TCERG1L: variants seen among roughly 807,000 people sequenced by gnomAD.
TCERG1L encodes transcription elongation regulator 1 like.
TCERG1L carries 37 observed loss-of-function variants against 56.3 expected under a neutral mutation model. That is an observed-to-expected ratio of 0.66 (90% CI 0.51 to 0.87). The LOEUF is 0.87. Among genes scored for constraint, TCERG1L ranks in the 40% least tolerant of loss-of-function variants. TCERG1L has a pLI of 0.00. For synonymous variants in TCERG1L, 324 were observed against 326.3 expected (o/e 0.99, Z 0.08); for missense variants, 799 against 774.2 (o/e 1.03, Z -0.38).
At chr10:131,102,323 G>A (rs1253269217) in intron 10 of TCERG1L, among the ~76,000 whole-genome samples, 2 of 152,224 alleles carry the variant, frequency 1.3e-5, no homozygotes, top group South Asian at 2.1e-4. Flanking sequence ...GCTCCAGGGA[G>A]AGGGTCCAGT....
Position 131,149,547 on chromosome 10 carries a change from T to A in TCERG1L, c.1035-2887A>T, listed in dbSNP as rs150027571. 1.2e-3 allele frequency among the ~76,000 whole-genome samples: 179 copies of A among 152,344 alleles called. 2 individuals are homozygous for A. The East Asian group carries it at 0.022, about 19-fold the overall frequency. Reference sequence around the variant, plus strand: ...TACTATATGAACTCTGCAGACAGCATGGGCCAATAGGGAACATAAGCCCAG... The same window carrying A: ...TACTATATGAACTCTGCAGACAGCAAGGGCCAATAGGGAACATAAGCCCAG... On this transcript the variant is annotated intron_variant, in intron 6 of 11. Transcript: ENST00000368642.
intron 10 of TCERG1L, among the ~76,000 whole-genome samples, chr10:131,101,231 C>A (rs1337905171): frequency 6.6e-6 from 1 of 152,236 alleles, no homozygotes; most frequent in Admixed American, 6.5e-5. Flanking sequence ...GGGTGGGATG[C>A]CCATGTCCCC....
At chr10:131,205,822 G>A (rs1845517250) in intron 4 of TCERG1L, among the ~76,000 whole-genome samples, 1 of 152,220 alleles carries the variant, frequency 6.6e-6, no homozygotes, top group African/African-American at 2.4e-5. Context: ...TATGCAAAGG[G>A]TGCAGGAGAC....
At chr10:131,107,814 A>T (rs996339599) in intron 9 of TCERG1L, among the ~76,000 whole-genome samples, 1 of 152,184 alleles carries the variant, frequency 6.6e-6, no homozygotes, top group African/African-American at 2.4e-5. Context: ...GTGCACACAC[A>T]TGCAAACACA....
In TCERG1L at chr10:131,214,973, T is replaced by A. The variant is rs575314456; in HGVS notation, c.856+45286A>T. ...TTCACCATGGCCGTGTCGGGGGCCC[T>A]GTTTCTGCCCTCACTCACAGGCGGA... On this transcript the variant is annotated intron_variant, in intron 4 of 11. Coordinates refer to ENST00000368642, the MANE Select transcript of TCERG1L (RefSeq NM_174937.4). Among the ~76,000 whole-genome samples, 465 of 152,368 alleles carry A rather than the reference T, an allele frequency of 3.1e-3. 1 individual carries two copies. Among genetic ancestry groups the A allele is most frequent in the African/African-American group, 0.011 (452 of 41,592 alleles).
chr10:131,137,412 G>T (rs1191406988), intron 7 of TCERG1L, among the ~76,000 whole-genome samples: 1 of 152,214 alleles, frequency 6.6e-6, no homozygotes, highest in Non-Finnish European at 1.5e-5. Context: ...AGGCACCGGG[G>T]CCTCACAGAG....
At chr10:131,149,649 G>A (rs947255775) in intron 6 of TCERG1L, among the ~76,000 whole-genome samples, 3 of 152,196 alleles carry the variant, frequency 2.0e-5, no homozygotes, top group Admixed American at 1.3e-4. Context: ...GAGTGAGTGG[G>A]CCACAGGCAG....
intron 3 of TCERG1L, among the ~76,000 whole-genome samples, chr10:131,292,699 G>A (rs576696296): frequency 3.9e-5 from 6 of 152,156 alleles, no homozygotes; most frequent in East Asian, 1.9e-4. Flanking sequence ...ATCGTGGTTC[G>A]GGTTGAATTG....
At chr10:131,263,693 C>G (rs1400908570) in intron 3 of TCERG1L, among the ~76,000 whole-genome samples, 1 of 152,224 alleles carries the variant, frequency 6.6e-6, no homozygotes, top group African/African-American at 2.4e-5. Context: ...GTATTTATTG[C>G]TATGCAGTAG....
chr10:131,138,888 C>G (rs772330434), intron 7 of TCERG1L, among the ~76,000 whole-genome samples: 12 of 152,150 alleles, frequency 7.9e-5, no homozygotes, highest in Non-Finnish European at 1.5e-4. Flanking sequence ...ACAACTTGTT[C>G]TATGGCAAAA....
At chr10:131,136,312 G>A (rs1402819193) in intron 7 of TCERG1L, among the ~76,000 whole-genome samples, 4 of 152,170 alleles carry the variant, frequency 2.6e-5, no homozygotes, top group Non-Finnish European at 5.9e-5. Context: ...AGCTTCACTC[G>A]TGCCAAGCCC....
At chr10:131,150,415 AG>A (rs1381840071) in intron 6 of TCERG1L, among the ~76,000 whole-genome samples, 4 of 152,228 alleles carry the variant, frequency 2.6e-5, no homozygotes, top group Non-Finnish European at 5.9e-5. Context: ...CACAAGCAAC[AG>A]GGCCACGGGA....
intron 4 of TCERG1L, among the ~76,000 whole-genome samples, chr10:131,239,788 C>T (rs1011617445): frequency 1.3e-5 from 2 of 152,234 alleles, no homozygotes; most frequent in Non-Finnish European, 2.9e-5. Flanking sequence ...CTTTTCCCAG[C>T]GTACAGACAT....
At chr10:131,232,167 G>A (rs1289029453) in intron 4 of TCERG1L, among the ~76,000 whole-genome samples, 2 of 152,224 alleles carry the variant, frequency 1.3e-5, no homozygotes, top group Admixed American at 6.5e-5. Flanking sequence ...ATGCCATTAG[G>A]CCCATTCATT....
intron 11 of TCERG1L, among the ~76,000 whole-genome samples, chr10:131,093,900 G>A (rs753960455): frequency 6.6e-6 from 1 of 152,100 alleles, no homozygotes; most frequent in African/African-American, 2.4e-5. Flanking sequence ...TCCCACATTC[G>A]AATGAGGGAG....
At chr10:131,290,797 T>A (rs925907936) in intron 3 of TCERG1L, among the ~76,000 whole-genome samples, 3 of 136,920 alleles carry the variant, frequency 2.2e-5, no homozygotes, top group Non-Finnish European at 4.8e-5. Flanking sequence ...ATTGGAGGTT[T>A]TATTTTTCCT....
At chr10:131,251,159 T>G (rs10829958) in intron 4 of TCERG1L, among the ~76,000 whole-genome samples, 29,576 of 151,956 alleles carry the variant, frequency 0.19, 3,315 homozygotes, top group East Asian at 0.3. Context: ...ACAGCAGAGG[T>G]GTCAGATTCC....
At chr10:131,291,162 CTATT>C (rs1846616367) in intron 3 of TCERG1L, among the ~76,000 whole-genome samples, 1 of 152,026 alleles carries the variant, frequency 6.6e-6, no homozygotes, top group African/African-American at 2.4e-5. Flanking sequence ...CCATTTATGT[CTATT>C]TTTATTATAA....
In TCERG1L at chr10:131,156,490, C is replaced by T. The variant is rs367673625; in HGVS notation, c.1034+6632G>A. Among the ~76,000 whole-genome samples, 365 of 152,192 alleles carry T rather than the reference C, an allele frequency of 2.4e-3. 2 individuals are homozygous for T. The South Asian group carries it at 0.028, about 12-fold the overall frequency. ...ATACAAAACAGCCCTTTGAAAAATG[C>T]TTACACTAAGGGAGGAGACCACCCT... On this transcript the variant is annotated intron_variant, in intron 6 of 11. Transcript: ENST00000368642.
Sources: allele counts gnomAD v4.1 joint callset (sites outside exome capture counted in the v4.1 genomes callset), GRCh38; gene constraint gnomAD v4.1.1; transcripts MANE v1.5; gene names NCBI Gene and HGNC (gene_info 2026-07-23, HGNC 2026-07-21).